Variants in EFNA1 observed in about 807,000 individuals in gnomAD.
EFNA1 encodes the protein ephrin A1.
EFNA1 carries 8 observed loss-of-function variants against 23.2 expected under a neutral mutation model. That is an observed-to-expected ratio of 0.34 (90% CI 0.20 to 0.62). The LOEUF (loss-of-function observed/expected upper bound fraction) is 0.62. Among genes scored for constraint, EFNA1 ranks in the 20% least tolerant of loss-of-function variants. The pLI is 0.75. For synonymous variants in EFNA1, 89 were observed against 98.6 expected (o/e 0.90, Z 0.58); for missense variants, 217 against 260.0 (o/e 0.83, Z 1.14).
chr1:155,128,780 G>A (rs1265580407), intron 1 of EFNA1, among the ~76,000 whole-genome samples: 1 of 152,200 alleles, frequency 6.6e-6, no homozygotes, highest in Non-Finnish European at 1.5e-5. Context: ...TGGGCAGGAA[G>A]GAGTTAATTT....
At chr1:155,131,282 G>A in intron 1 of EFNA1, 57 bp from the exon 2 acceptor site, 3 of 1,557,270 alleles carry the variant, frequency 1.9e-6, no homozygotes, top group Non-Finnish European at 2.6e-6. Context: ...AGAGGCCCAA[G>A]GATCTGGCCT....
intron 2 of EFNA1, among the ~76,000 whole-genome samples, chr1:155,132,051 C>T (rs979707314): frequency 6.6e-6 from 1 of 151,832 alleles, no homozygotes; most frequent in South Asian, 2.1e-4. Context: ...TGAAGGCACA[C>T]GTACAAAGGG....
rs1664321882 is a variant in EFNA1, at chr1:155,134,238, C to T, written c.*171C>T. 4.6e-6 allele frequency: 3 copies of T among 647,606 alleles called. No individual in the cohort carries two copies. Among genetic ancestry groups the T allele is most frequent in the East Asian group, 5.5e-5 (2 of 36,380 alleles). The allele number at this position is 647,606 out of a possible 1,614,324, so 40.1% of individuals were successfully genotyped here. On this transcript the variant is annotated 3_prime_UTR_variant, in exon 5 of 5. Transcript: ENST00000368407. ...ACGGGTCAGTATTAAGGTTTTCAAC[C>T]GGAAGGAGGCCAACCAGCCCGACAG...
chr1:155,129,644 T>G (rs1231400035), intron 1 of EFNA1: 1 of 152,798 alleles, frequency 6.5e-6, no homozygotes, highest in Non-Finnish European at 1.5e-5. Flanking sequence ...AATATGAGGC[T>G]ACAATGAACG....
In EFNA1 at chr1:155,133,544, A is replaced by C; in HGVS notation, c.430A>C (p.Lys144Gln). 6.2e-7 allele frequency: 1 copy of C among 1,613,992 alleles called. No homozygotes were observed. The highest frequency in any genetic ancestry group is 1.6e-4 in the Middle Eastern group (1 of 6,062). ...HQHEDRCLRL[K>Q]VTVSGKITHS... The stretch of plus-strand genomic sequence containing the variant: ...GCATGAAGACCGCTGCTTGAGGTTG[A>C]AGGTGACTGTCAGTGGCAAAATCAG... The change falls in exon 3 of 5, where the codon AAG (lysine) becomes CAG (glutamine). Residue 144 changes from lysine (K) to glutamine (Q), a missense_variant. Transcript: ENST00000368407.
chr1:155,133,585 T>C lies in EFNA1; in HGVS notation c.454+17T>C. On this transcript the variant is annotated intron_variant, in intron 3 of 4. Transcript: ENST00000368407. ...GCAAAATCAGTGAGTGTCAGAGCCC[T>C]GTGGGCCTCCTTCCTCCATCTCTAT... The C allele has an allele frequency of 6.2e-7, 1 of 1,613,744 alleles. No homozygotes were observed. Among genetic ancestry groups the C allele is most frequent in the African/African-American group, 1.3e-5 (1 of 74,966 alleles).
chr1:155,128,762 G>T (rs1383714261), intron 1 of EFNA1, among the ~76,000 whole-genome samples: 1 of 152,222 alleles, frequency 6.6e-6, no homozygotes, highest in Non-Finnish European at 1.5e-5. Flanking sequence ...AGGGGTTACA[G>T]AAGGTTCTGG....
intron 1 of EFNA1, chr1:155,130,514 G>T: frequency 1.0e-6 from 1 of 984,376 alleles, no homozygotes; most frequent in Non-Finnish European, 1.2e-6. Context: ...GGAGAGAGGG[G>T]AGAGGGGAGA....
intron 2 of EFNA1, among the ~76,000 whole-genome samples, chr1:155,132,793 T>C (rs1382969364): frequency 6.6e-6 from 1 of 151,780 alleles, no homozygotes; most frequent in East Asian, 2.0e-4. Context: ...ATCACACCAT[T>C]GTACTCCAGC....
At chr1:155,128,200 C>T in intron 1 of EFNA1, 131 bp downstream of exon 1, 1 of 753,280 alleles carries the variant, frequency 1.3e-6, no homozygotes, top group African/African-American at 1.7e-5. Context: ...TGTAGATTTT[C>T]CTCCCCTCAC....
chr1:155,127,907 G>T lies in EFNA1; in HGVS notation c.-71G>T. On this transcript the variant is annotated 5_prime_UTR_variant, in exon 1 of 5. Coordinates refer to ENST00000368407, the MANE Select transcript of EFNA1 (RefSeq NM_004428.3). This position sits in a 1 kb window ranked among gnomAD's most constrained non-coding sequence, Gnocchi z 4.4. ...GTGAGCCCAGCGCTGACTGCGCCGC[G>T]GAGAAAGCCAGTGGGAACCCAGACC... 8.0e-7 allele frequency: 1 copy of T among 1,245,634 alleles called. No individual in the cohort carries two copies. Among genetic ancestry groups the T allele is most frequent in the Non-Finnish European group, 1.1e-6 (1 of 878,788 alleles). 77.2% of individuals were successfully genotyped at this position (1,245,634 alleles called of 1,614,324 possible).
rs372618352 is a variant in EFNA1 at position 155,130,838 on chromosome 1, A to G, written c.93-501A>G. 1.2e-3 allele frequency: 1,199 copies of G among 985,326 alleles called. 13 individuals carry two copies. The Middle Eastern group carries it at 0.022, about 18-fold the overall frequency. 61.0% of individuals were successfully genotyped at this position (985,326 alleles called of 1,614,324 possible). ...GGGGAAATGTGAGAGGAGTAAGGAA[A>G]GTGAAGACACAGATGTGTTGGAGGC... On this transcript the variant is annotated intron_variant, in intron 1 of 4. Coordinates refer to ENST00000368407, the MANE Select transcript of EFNA1 (RefSeq NM_004428.3).
At chr1:155,128,867 G>C (rs928424944) in intron 1 of EFNA1, among the ~76,000 whole-genome samples, 4 of 152,222 alleles carry the variant, frequency 2.6e-5, no homozygotes, top group African/African-American at 9.6e-5. Flanking sequence ...TCTTGCCCTT[G>C]AGTTTTCTGA....
At chr1:155,133,245 T>C (rs767445135) in intron 2 of EFNA1, among the ~76,000 whole-genome samples, 1 of 152,034 alleles carries the variant, frequency 6.6e-6, no homozygotes, top group African/African-American at 2.4e-5. Flanking sequence ...AAGAGGAACA[T>C]ATTCAGACTC....
chr1:155,130,997 G>T, intron 1 of EFNA1: 1 of 985,350 alleles, frequency 1.0e-6, no homozygotes. Flanking sequence ...AATATTTATG[G>T]GTAGAAGAGA....
At chr1:155,131,185 C>T in intron 1 of EFNA1, 154 bp from the exon 2 acceptor site, 1 of 1,333,124 alleles carries the variant, frequency 7.5e-7, no homozygotes, top group Non-Finnish European at 1.0e-6. Context: ...AAATGTAAGA[C>T]ATCAAGATCA....
chr1:155,133,285 G>A (rs1047380145), intron 2 of EFNA1, among the ~76,000 whole-genome samples: 1 of 152,090 alleles, frequency 6.6e-6, no homozygotes, highest in Non-Finnish European at 1.5e-5. Flanking sequence ...TGTGGGGAGG[G>A]GCAGTGTCTA....
intron 1 of EFNA1, among the ~76,000 whole-genome samples, chr1:155,128,759 A>G (rs1664153116): frequency 6.6e-6 from 1 of 152,206 alleles, no homozygotes; most frequent in Non-Finnish European, 1.5e-5. Flanking sequence ...TAAAGGGGTT[A>G]CAGAAGGTTC....
At chr1:155,133,847 G>A (rs922133562) in intron 4 of EFNA1, 67 bp downstream of exon 4, 1 of 1,608,234 alleles carries the variant, frequency 6.2e-7, no homozygotes, top group African/African-American at 1.3e-5. Flanking sequence ...TTGGGTACAG[G>A]AGGTGGCTCC....
Sources: allele counts gnomAD v4.1 joint callset (sites outside exome capture counted in the v4.1 genomes callset), GRCh38; gene constraint gnomAD v4.1.1; non-coding constraint Gnocchi (gnomAD v3.1); transcripts MANE v1.5; gene names NCBI Gene and HGNC (gene_info 2026-07-23, HGNC 2026-07-21).